GPM6B: variants seen among roughly 807,000 people sequenced by gnomAD.
GPM6B encodes the protein glycoprotein M6B, also known as neuronal membrane glycoprotein M6-b.
GPM6B carries 4 observed loss-of-function variants against 27.2 expected under a neutral mutation model. The ratio of observed to expected loss-of-function variants is 0.15; its 90% confidence interval spans 0.07 to 0.34. GPM6B has a LOEUF of 0.34. Among genes scored for constraint, GPM6B ranks in the 10% least tolerant of loss-of-function variants. GPM6B has a pLI of 1.00. For synonymous variants in GPM6B, 124 were observed against 103.1 expected, an observed-to-expected ratio of 1.20 and a Z score of -1.23; for missense variants, 183 against 261.9, an observed-to-expected ratio of 0.70 and a Z score of 2.08.
chrX:13,778,832 AAC>A (rs769697558), intron 5 of GPM6B, among the ~76,000 whole-genome samples: 15 of 112,290 alleles, frequency 1.3e-4, no homozygotes, highest in African/African-American at 4.8e-4. Context: ...TATCATAAAG[AAC>A]AGTGTTGTTC....
In GPM6B at chrX:13,807,735, G is replaced by A; in HGVS notation, c.96C>T (p.Tyr32=). The A allele has an allele frequency of 8.3e-7, 1 of 1,205,947 alleles. No homozygotes were observed. Among genetic ancestry groups the A allele is most frequent in the Non-Finnish European group, 1.1e-6 (1 of 891,261 alleles). Residue 32 remains tyrosine (Y), a synonymous_variant, in exon 2 of 8, where the codon TAC becomes TAT. Transcript: ENST00000316715. Reference sequence around the variant, plus strand: ...TCTTTGAGCCTGGGTACATCCAGTGGTACCTGCCAATTTCCATTTCAGCTC... The same window carrying A: ...TCTTTGAGCCTGGGTACATCCAGTGATACCTGCCAATTTCCATTTCAGCTC... ...NSRAEMEIGR[Y]HWMYPGSKNH... is the part of the protein sequence containing the mutation.
chrX:13,832,050 A>G (rs1603058891), intron 1 of GPM6B, among the ~76,000 whole-genome samples: 1 of 112,043 alleles, frequency 8.9e-6, no homozygotes, highest in South Asian at 3.7e-4. Context: ...TTTGTTAAAT[A>G]TAATTAAAAC....
At chrX:13,857,042 C>G (rs2049789370) in intron 1 of GPM6B, among the ~76,000 whole-genome samples, 1 of 111,298 alleles carries the variant, frequency 9.0e-6, no homozygotes, top group Non-Finnish European at 1.9e-5. Flanking sequence ...AACATAACAT[C>G]TTTCCGATCT....
chrX:13,773,706 A>G (rs1251154214), intron 7 of GPM6B: 2 of 111,367 alleles, frequency 1.8e-5, no homozygotes, highest in African/African-American at 6.5e-5. Context: ...TTTTCCTCGT[A>G]TTTCCTGCAA....
chrX:13,877,059 T>G (rs1344875333), intron 1 of GPM6B, among the ~76,000 whole-genome samples: 1 of 111,102 alleles, frequency 9.0e-6, no homozygotes, highest in African/African-American at 3.3e-5. Context: ...GACACTTCCC[T>G]GACCTTACAC....
At chrX:13,910,788 A>G (rs1358550027) in intron 1 of GPM6B, among the ~76,000 whole-genome samples, 1 of 112,662 alleles carries the variant, frequency 8.9e-6, no homozygotes, top group Non-Finnish European at 1.9e-5. Context: ...TCTAAAGGGG[A>G]TTAATTTATG....
chrX:13,925,490 CTTTTT>C (rs57186854), intron 1 of GPM6B, among the ~76,000 whole-genome samples: 1 of 79,869 alleles, frequency 1.3e-5, no homozygotes. Context: ...CCATGTCTGG[CTTTTT>C]TTTTTTTTTT....
rs190523014 is a variant in GPM6B at position 13,827,876 on chromosome X, A to G, written c.-197-42068T>C. Among the ~76,000 whole-genome samples the G allele has an allele frequency of 5.6e-3, 626 of 111,163 alleles. 2 individuals carry two copies. Among genetic ancestry groups the G allele is most frequent in the Non-Finnish European group, 9.7e-3 (513 of 52,923 alleles). ...TTCACGCCTTGATGCTGTTTCAGCC[A>G]CTCCCTGCCTTCAACATGCAGGAGT... On this transcript the variant is annotated intron_variant, in intron 1 of 6. Coordinates refer to the GPM6B transcript ENST00000398361.
intron 1 of GPM6B, among the ~76,000 whole-genome samples, chrX:13,855,633 C>A (rs1397697056): frequency 3.6e-5 from 4 of 112,044 alleles, no homozygotes; most frequent in Non-Finnish European, 7.5e-5. Flanking sequence ...GCTGAATAAT[C>A]AGTGTACGGT....
chrX:13,898,668 T>C (rs1161610991), intron 1 of GPM6B, among the ~76,000 whole-genome samples: 1 of 112,860 alleles, frequency 8.9e-6, no homozygotes, highest in Non-Finnish European at 1.9e-5. Flanking sequence ...GCCAGAATCA[T>C]GTGTCATTCA....
At chrX:13,926,121 G>C (rs1208360285) in intron 1 of GPM6B, among the ~76,000 whole-genome samples, 2 of 106,493 alleles carry the variant, frequency 1.9e-5, no homozygotes, top group African/African-American at 6.9e-5. Flanking sequence ...TATGTTTGTG[G>C]AGCATAAAAC....
At chrX:13,824,088 TG>T (rs933250243) in intron 1 of GPM6B, among the ~76,000 whole-genome samples, 8 of 111,928 alleles carry the variant, frequency 7.1e-5, no homozygotes, top group Non-Finnish European at 1.5e-4. Context: ...GCACTAGTGA[TG>T]TTTGGGGCTG....
chrX:13,817,415 T>C (rs556224793), upstream of GPM6B: 14 of 716,985 alleles, frequency 2.0e-5, no homozygotes, highest in Middle Eastern at 8.0e-4. Flanking sequence ...GAGGAGGGGA[T>C]GTGAAGGAGA....
intron 1 of GPM6B, among the ~76,000 whole-genome samples, chrX:13,822,958 T>C (rs1205782607): frequency 8.9e-6 from 1 of 112,290 alleles, no homozygotes; most frequent in African/African-American, 3.2e-5. Flanking sequence ...ATTTGGGTCC[T>C]TTCCATAATC....
chrX:13,859,881 A>C (rs2049823515), intron 1 of GPM6B, among the ~76,000 whole-genome samples: 1 of 112,077 alleles, frequency 8.9e-6, no homozygotes, highest in Admixed American at 9.5e-5. Flanking sequence ...ATAGTGCTGG[A>C]AAGTAAGGAT....
intron 1 of GPM6B, among the ~76,000 whole-genome samples, chrX:13,825,924 A>G (rs978073411): frequency 8.9e-6 from 1 of 111,841 alleles, no homozygotes; most frequent in African/African-American, 3.3e-5. Context: ...GGGTGGCAGG[A>G]TGTGATGCTT....
chrX:13,811,731 C>G (rs1216235734), intron 1 of GPM6B, among the ~76,000 whole-genome samples: 2 of 112,091 alleles, frequency 1.8e-5, no homozygotes, highest in African/African-American at 6.5e-5. Flanking sequence ...ATTTTAAATA[C>G]AGCATAATAA....
In GPM6B at chrX:13,777,356, T is replaced by G. The variant is rs2048433509; in HGVS notation, c.767A>C (p.Asn256Thr). 1 of 1,192,744 alleles carries G rather than the reference T, an allele frequency of 8.4e-7. No individual in the cohort carries two copies. Among genetic ancestry groups the G allele is most frequent in the Non-Finnish European group, 1.1e-6 (1 of 879,268 alleles). The change falls in exon 6 of 8, where the codon AAC becomes ACC. Residue 256 changes from asparagine (N) to threonine (T), a missense_variant. Asn to Thr is a moderately conservative substitution (Grantham distance 65). Transcript: ENST00000316715. ...GSALENICNT[N>T]EFYMSYHLFI... ...TCTGAACTGTGATGAGTTTACCTCG[T>G]TTGTGTTGCAGATGTTCTCCAGGGC...
chrX:13,807,248 G>A (rs2074098), intron 2 of GPM6B, among the ~76,000 whole-genome samples: 32,816 of 111,204 alleles, frequency 0.3, 4,102 homozygotes, highest in East Asian at 0.62. Context: ...GTACTCTCAG[G>A]GCCAAGGCTC....
Sources: gnomAD v4.1 joint callset for allele counts (sites outside exome capture counted in the v4.1 genomes callset) on GRCh38, gnomAD v4.1.1 for gene constraint, MANE v1.5 for transcripts, NCBI Gene and HGNC (gene_info 2026-07-23, HGNC 2026-07-21) for gene names.